Variants in THOC1 observed in about 807,000 individuals in gnomAD.
The protein encoded by THOC1 is THO complex 1.
A neutral mutation model predicts 97.3 loss-of-function variants in THOC1; 29 were observed. That is an observed-to-expected ratio of 0.30 (90% confidence interval 0.22 to 0.41). The LOEUF is 0.41. THOC1 is among the 10% of genes least tolerant of loss of function. The pLI is 1.00. For synonymous variants in THOC1, 255 were observed against 257.0 expected, an observed-to-expected ratio of 0.99 and a Z score of 0.07; for missense variants, 529 against 761.9, an observed-to-expected ratio of 0.69 and a Z score of 3.60.
intron 7 of THOC1, among the ~76,000 whole-genome samples, chr18:255,583 C>T (rs1438798598): frequency 6.6e-6 from 1 of 152,172 alleles, no homozygotes; most frequent in African/African-American, 2.4e-5. Context: ...AAGCCCTCTC[C>T]GTAACATAAT....
chr18:246,916 C>CAAAAA (rs36101469), intron 10 of THOC1, among the ~76,000 whole-genome samples: 2 of 98,228 alleles, frequency 2.0e-5, no homozygotes, highest in Non-Finnish European at 4.1e-5. Flanking sequence ...GGCTCCGTCT[C>CAAAAA]AAAAAAAAAA....
Position 265,074 on chromosome 18 carries a change from T to C in THOC1, c.189+229A>G, listed in dbSNP as rs777885037. On this transcript the variant is annotated intron_variant, in intron 3 of 20. Coordinates refer to ENST00000261600, the MANE Select transcript of THOC1 (RefSeq NM_005131.3). ...TAAGACCTCATGTCAACTTTTCTTA[T>C]CTCACTTGGAGAGGGCTCTTGTCAT... 1.9e-5 allele frequency: 9 copies of C among 467,520 alleles called. No individual in the cohort carries two copies. The Admixed American group carries it at 2.4e-4, about 13-fold the overall frequency. The allele number at this position is 467,520 out of a possible 1,614,324, so 29.0% of individuals were successfully genotyped here.
chr18:247,510 A>T (rs567543184), intron 10 of THOC1, among the ~76,000 whole-genome samples: 1 of 152,222 alleles, frequency 6.6e-6, no homozygotes, highest in Non-Finnish European at 1.5e-5. Context: ...TCTGGCCCAG[A>T]GCCATGACTT....
At chr18:263,517 A>G (rs1912671000) in intron 4 of THOC1, 4 of 152,354 alleles carry the variant, frequency 2.6e-5, no homozygotes, top group African/African-American at 7.2e-5. Context: ...ATGTCTAACA[A>G]ATTCTTCATA....
rs16974404 is a variant in THOC1 at position 232,508 on chromosome 18, T to C, written c.919-5607A>G. Among the ~76,000 whole-genome samples the C allele has an allele frequency of 3.6e-3, 540 of 151,722 alleles. 1 individual carries two copies. The highest frequency in any genetic ancestry group is 0.012 in the African/African-American group (503 of 41,358). On this transcript the variant is annotated intron_variant, in intron 11 of 20. Coordinates refer to ENST00000261600, the MANE Select transcript of THOC1 (RefSeq NM_005131.3). ...GTAAAATTATCTTATCACCCAGTCTTCTGCTTGTGAACATTGACACTGTTT... is the reference window on the plus strand; with the variant it reads ...GTAAAATTATCTTATCACCCAGTCTCCTGCTTGTGAACATTGACACTGTTT...
At chr18:247,050 C>T (rs528446585) in intron 10 of THOC1, among the ~76,000 whole-genome samples, 39 of 152,068 alleles carry the variant, frequency 2.6e-4, no homozygotes, top group African/African-American at 7.5e-4. Flanking sequence ...GAAACTCTTA[C>T]GCATTTCTTG....
chr18:243,900 C>T (rs1282614322), intron 11 of THOC1, among the ~76,000 whole-genome samples: 1 of 152,084 alleles, frequency 6.6e-6, no homozygotes, highest in Non-Finnish European at 1.5e-5. Context: ...TATATTAAAT[C>T]AGTCTATACT....
chr18:250,681 T>A (rs1193243913), intron 9 of THOC1, among the ~76,000 whole-genome samples: 1 of 152,214 alleles, frequency 6.6e-6, no homozygotes, highest in East Asian at 1.9e-4. Context: ...CCTAAGACCA[T>A]CTGGTGATAA....
Position 214,656 on chromosome 18 carries a change from A to G in THOC1, c.1944T>C (p.Ser648=). 1 of 1,613,544 alleles carries G rather than the reference A, an allele frequency of 6.2e-7. No homozygotes were observed. Among genetic ancestry groups the G allele is most frequent in the Non-Finnish European group, 8.5e-7 (1 of 1,179,622 alleles). Residue 648 remains serine (S), a synonymous_variant, in exon 21 of 21, where the codon AGT becomes AGC. Transcript: ENST00000261600. ...TATTTGTCTCATTGTCATTAGTTAG[A>G]CTTTCTGCAAGGTCACTTAATCCAG... is the stretch of plus-strand genomic sequence containing the variant. The part of the protein sequence containing the change: ...NKSGLSDLAE[S]LTNDNETNS
chr18:258,662 A>C (rs1188689205), intron 7 of THOC1, among the ~76,000 whole-genome samples: 2 of 152,168 alleles, frequency 1.3e-5, no homozygotes, highest in East Asian at 1.9e-4. Context: ...AAAATCTCGC[A>C]TATTTGAACA....
chr18:224,296 T>C, intron 15 of THOC1, 117 bp from the exon 16 acceptor site: 1 of 810,684 alleles, frequency 1.2e-6, no homozygotes, highest in Non-Finnish European at 1.9e-6. Context: ...AGATGAAAAC[T>C]GGCTGGGCAT....
chr18:250,880 G>C (rs1296823354), intron 9 of THOC1, among the ~76,000 whole-genome samples: 1 of 152,146 alleles, frequency 6.6e-6, no homozygotes, highest in Non-Finnish European at 1.5e-5. Flanking sequence ...CTTTTGGGCT[G>C]TTTACACTTC....
intron 11 of THOC1, among the ~76,000 whole-genome samples, chr18:227,704 A>AAGTCTGT (rs1177315181): frequency 6.6e-6 from 1 of 152,200 alleles, no homozygotes; most frequent in East Asian, 1.9e-4. Context: ...AGGAAGGCTG[A>AAGTCTGT]AGTCTGTATC....
intron 11 of THOC1, among the ~76,000 whole-genome samples, chr18:235,638 T>C (rs529674561): frequency 6.6e-6 from 1 of 151,930 alleles, no homozygotes; most frequent in Non-Finnish European, 1.5e-5. Flanking sequence ...TATATTTGCC[T>C]TTTTTTAAGC....
chr18:226,791 A>T lies in THOC1; in HGVS notation c.1019+10T>A. 6.3e-7 allele frequency: 1 copy of T among 1,597,238 alleles called. No individual in the cohort carries two copies. Among genetic ancestry groups the T allele is most frequent in the Non-Finnish European group, 8.5e-7 (1 of 1,169,844 alleles). ...TGTTTACAAATTGTTTACTACCCAT[A>T]TTATCTTACCTTTTGAATTTGACCT... On this transcript the variant is annotated intron_variant, in intron 12 of 20. Transcript: ENST00000261600.
intron 11 of THOC1, among the ~76,000 whole-genome samples, chr18:232,913 G>T (rs571655191): frequency 8.6e-5 from 13 of 151,996 alleles, no homozygotes; most frequent in African/African-American, 3.1e-4. Context: ...TTTCCATTTG[G>T]TTGTCTTTTA....
intron 11 of THOC1, among the ~76,000 whole-genome samples, chr18:233,885 A>G (rs1911581208): frequency 6.6e-6 from 1 of 152,218 alleles, no homozygotes; most frequent in African/African-American, 2.4e-5. Context: ...CTTTATAATA[A>G]AACAATTTAT....
chr18:254,603 G>A lies in THOC1; in HGVS notation c.521-248C>T, dbSNP rs959648955. 1.4e-4 allele frequency among the ~76,000 whole-genome samples: 21 copies of A among 151,992 alleles called. No individual in the cohort carries two copies. The highest frequency in any genetic ancestry group is 1.4e-4 in the African/African-American group (6 of 41,392). ...ATAAATTGAATGGCAACCCTGCATCGTGCAAGTCTATCAGCACCATTTTTC... is the reference window on the plus strand; with the variant it reads ...ATAAATTGAATGGCAACCCTGCATCATGCAAGTCTATCAGCACCATTTTTC... On this transcript the variant is annotated intron_variant, in intron 7 of 20. Transcript: ENST00000261600. The surrounding 1 kb of genome is among the most constrained non-coding windows in gnomAD (Gnocchi z 4.1).
chr18:230,618 G>T (rs1228745377), intron 11 of THOC1, among the ~76,000 whole-genome samples: 1 of 152,172 alleles, frequency 6.6e-6, no homozygotes, highest in South Asian at 2.1e-4. Flanking sequence ...ACACAGCTGA[G>T]AGTAAAACTA....
Sources: gnomAD v4.1 joint callset for allele counts (sites outside exome capture counted in the v4.1 genomes callset) on GRCh38, gnomAD v4.1.1 for gene constraint, Gnocchi (gnomAD v3.1) non-coding constraint, MANE v1.5 for transcripts, NCBI Gene and HGNC (gene_info 2026-07-23, HGNC 2026-07-21) for gene names.